TMEM267: variants seen among roughly 807,000 people sequenced by gnomAD.
TMEM267 encodes the protein transmembrane protein 267.
In TMEM267, 20 loss-of-function variants were observed where a neutral mutation model predicts 19.3. The ratio of observed to expected loss-of-function variants is 1.04; its 90% CI spans 0.73 to 1.51. The LOEUF (loss-of-function observed/expected upper bound fraction) is 1.51, where lower values mean the gene tolerates loss of function less well. Among genes scored for constraint, TMEM267 ranks in the 40% most tolerant of loss-of-function variants. The probability of loss-of-function intolerance (pLI) is 0.00; values close to 1 mark genes in which losing one functional copy is unlikely to be tolerated. For missense variants in TMEM267, 242 were observed against 261.9 expected, an observed-to-expected ratio of 0.92 and a Z score of 0.52; for synonymous variants, 88 against 90.3, an observed-to-expected ratio of 0.97 and a Z score of 0.15.
chr5:43,454,101 T>A, intron 1 of TMEM267, 58 bp from the exon 2 acceptor site: 1 of 1,185,542 alleles, frequency 8.4e-7, no homozygotes. Flanking sequence ...ATATAATATT[T>A]AAACAAAACA....
At chr5:43,477,243 G>C (rs1434762419) in intron 1 of TMEM267, among the ~76,000 whole-genome samples, 1 of 151,920 alleles carries the variant, frequency 6.6e-6, no homozygotes. Context: ...AGACTTGTCA[G>C]GTTTTGAAAA....
At chr5:43,456,789 G>A (rs949093974) in intron 1 of TMEM267, among the ~76,000 whole-genome samples, 2 of 152,254 alleles carry the variant, frequency 1.3e-5, no homozygotes, top group African/African-American at 4.8e-5. Flanking sequence ...CTCATACGCT[G>A]CTGGTCGGAA....
intron 2 of TMEM267, among the ~76,000 whole-genome samples, chr5:43,450,296 ATTTTT>A (rs747708893): frequency 6.6e-6 from 1 of 152,040 alleles, no homozygotes; most frequent in African/African-American, 2.4e-5. Context: ...CTGGCCTTTG[ATTTTT>A]TTATTAATAG....
chr5:43,461,629 G>C (rs1743268748), intron 1 of TMEM267, among the ~76,000 whole-genome samples: 1 of 152,100 alleles, frequency 6.6e-6, no homozygotes, highest in Non-Finnish European at 1.5e-5. Context: ...GTGCCTTAAG[G>C]GGCATTAGCA....
chr5:43,473,030 C>A (rs1024455601), intron 1 of TMEM267, among the ~76,000 whole-genome samples: 8 of 149,374 alleles, frequency 5.4e-5, no homozygotes, highest in Non-Finnish European at 1.2e-4. Flanking sequence ...CCCAGCTACT[C>A]AGGAGGCTGA....
At chr5:43,453,339 T>C (rs1270508921) in intron 2 of TMEM267, among the ~76,000 whole-genome samples, 2 of 152,202 alleles carry the variant, frequency 1.3e-5, no homozygotes, top group African/African-American at 4.8e-5. Flanking sequence ...GAATCACCCC[T>C]GTTAATTTAA....
Position 43,446,740 on chromosome 5 carries a change from G to A in TMEM267, c.313-183C>T, listed in dbSNP as rs1742264803. ...TATATAAAAGAATATAAAAGTGTGA[G>A]CAGGATATCCTTTACATTAAAAATA... On this transcript the variant is annotated intron_variant, in intron 2 of 2. Coordinates refer to ENST00000397080, the MANE Select transcript of TMEM267 (RefSeq NM_022483.5). Among the ~76,000 whole-genome samples the A allele has an allele frequency of 2.6e-5, 4 of 152,110 alleles. No homozygotes were observed. The South Asian group carries it at 8.3e-4, about 32-fold the overall frequency.
intron 1 of TMEM267, among the ~76,000 whole-genome samples, chr5:43,480,885 C>G (rs1409329482): frequency 7.2e-6 from 1 of 138,692 alleles, no homozygotes; most frequent in African/African-American, 2.8e-5. Context: ...TCACTGCAAG[C>G]TCTGCCTCCC....
At chr5:43,451,560 C>T (rs1261019391) in intron 2 of TMEM267, among the ~76,000 whole-genome samples, 5 of 152,126 alleles carry the variant, frequency 3.3e-5, no homozygotes, top group Non-Finnish European at 7.4e-5. Flanking sequence ...TGCCATCACA[C>T]ACCATCAGAA....
rs201366361 is a variant in TMEM267, at chr5:43,453,772, C to A, written c.198G>T (p.Ala66=). 7 of 1,613,888 alleles carry A rather than the reference C, an allele frequency of 4.3e-6. No individual in the cohort carries two copies. Among genetic ancestry groups the A allele is most frequent in the Non-Finnish European group, 5.9e-6 (7 of 1,179,914 alleles). The part of the protein sequence containing the change: ...VHCVIGMWSW[A]VVTGIKKKTD... ...TCTTCTTCTTGATTCCAGTGACTAC[C>A]GCCCATGACCACATGCCAATTACAC... is the stretch of plus-strand genomic sequence containing the variant. The change falls in exon 2 of 3, where the codon GCG becomes GCT. Residue 66 remains alanine, a synonymous_variant. Transcript: ENST00000397080.
At chr5:43,449,657 C>G (rs777530218) in intron 2 of TMEM267, among the ~76,000 whole-genome samples, 3 of 152,142 alleles carry the variant, frequency 2.0e-5, no homozygotes. Flanking sequence ...ATTTCTCCCC[C>G]CAACAAAAGC....
intron 2 of TMEM267, among the ~76,000 whole-genome samples, chr5:43,450,647 A>C (rs2064977968): frequency 6.6e-6 from 1 of 152,168 alleles, no homozygotes; most frequent in Admixed American, 6.5e-5. Context: ...CCCTGGGTCT[A>C]ACTCTATAGT....
At chr5:43,448,941 A>G (rs1016989345) in intron 2 of TMEM267, among the ~76,000 whole-genome samples, 2 of 152,130 alleles carry the variant, frequency 1.3e-5, no homozygotes, top group African/African-American at 4.8e-5. Context: ...GGACATAAAA[A>G]AATCTTGAAT....
rs1742191738 is a variant in TMEM267 at position 43,445,519 on chromosome 5, C to T, written c.*703G>A. The T allele has an allele frequency of 1.3e-5, 2 of 152,020 alleles. No homozygotes were observed. Among genetic ancestry groups the T allele is most frequent in the Admixed American group, 1.3e-4 (2 of 15,256 alleles). 9.4% of individuals were successfully genotyped at this position (152,020 alleles called of 1,614,324 possible). ...TCTAGGCTAGAGATACCAAAAAATA[C>T]TACTTCAGTAAAGTGCTACTGTAGC... is the stretch of plus-strand genomic sequence containing the variant. On this transcript the variant is annotated 3_prime_UTR_variant, in exon 3 of 3. Coordinates refer to ENST00000397080, the MANE Select transcript of TMEM267 (RefSeq NM_022483.5).
intron 1 of TMEM267, among the ~76,000 whole-genome samples, chr5:43,461,506 A>G (rs1743260875): frequency 6.6e-6 from 1 of 152,190 alleles, no homozygotes; most frequent in South Asian, 2.1e-4. Context: ...ATTCCAGGAT[A>G]TGACTCTTGG....
At chr5:43,478,011 A>G (rs1211612293) in intron 1 of TMEM267, among the ~76,000 whole-genome samples, 1 of 152,234 alleles carries the variant, frequency 6.6e-6, no homozygotes, top group African/African-American at 2.4e-5. Context: ...TTATCAGGAC[A>G]TGGACACCAT....
chr5:43,452,387 G>C (rs966984773), intron 2 of TMEM267, among the ~76,000 whole-genome samples: 5 of 152,072 alleles, frequency 3.3e-5, no homozygotes, highest in Admixed American at 3.3e-4. Flanking sequence ...TTGTAAGCGA[G>C]AGCTAAACAA....
intron 2 of TMEM267, among the ~76,000 whole-genome samples, chr5:43,452,585 T>TAAAAAAAA (rs35189144): frequency 8.1e-6 from 1 of 123,896 alleles, no homozygotes; most frequent in East Asian, 2.6e-4. Flanking sequence ...CCTAAATCCA[T>TAAAAAAAA]AAAAAAAAAA....
Position 43,446,065 on chromosome 5 carries a change from A to T in TMEM267, c.*157T>A, listed in dbSNP as rs1742215706. The stretch of plus-strand genomic sequence containing the variant: ...TAGAATAATAACAAGTATAATTTTT[A>T]AAAAAGTTGTATACACTTCCTGAGC... On this transcript the variant is annotated 3_prime_UTR_variant, in exon 3 of 3. Coordinates refer to ENST00000397080, the MANE Select transcript of TMEM267 (RefSeq NM_022483.5). 1.2e-5 allele frequency: 6 copies of T among 488,646 alleles called. No individual in the cohort carries two copies. The highest frequency in any genetic ancestry group is 1.1e-4 in the South Asian group (3 of 26,460). 30.3% of individuals were successfully genotyped at this position (488,646 alleles called of 1,614,324 possible). A position where few individuals can be genotyped will look rare whatever the true frequency, so the allele number is the denominator to read the frequency against.
Sources: gnomAD v4.1 joint callset for allele counts (sites outside exome capture counted in the v4.1 genomes callset) on GRCh38, gnomAD v4.1.1 for gene constraint, MANE v1.5 for transcripts, NCBI Gene and HGNC (gene_info 2026-07-23, HGNC 2026-07-21) for gene names.